Variants in MADD observed in about 807,000 individuals in gnomAD.
The protein encoded by MADD is MAP kinase activating death domain.
In MADD, 109 loss-of-function variants were observed where a neutral mutation model predicts 176.7. The ratio of observed to expected loss-of-function variants is 0.62; its 90% CI spans 0.53 to 0.72. MADD has a LOEUF of 0.72. Ranked by LOEUF, MADD falls within the 30% of genes least tolerant of loss-of-function variation. The pLI is 0.00. For missense variants in MADD, 1,914 were observed against 2,045.5 expected (o/e 0.94, Z 1.24); for synonymous variants, 771 against 771.3 (o/e 1.00, Z 0.01).
At chr11:47,275,961 T>A in exon 4 of MADD, 1 of 1,614,174 alleles carries the variant, frequency 6.2e-7, no homozygotes, top group Non-Finnish European at 8.5e-7. Context: ...AGTGCCCTTC[T>A]GCATGACCTT....
intron 19 of MADD, 136 bp from the exon 22 acceptor site, chr11:47,293,747 G>T: frequency 1.6e-6 from 1 of 621,214 alleles, no homozygotes; most frequent in East Asian, 2.8e-5. Context: ...TGGGTCCTGA[G>T]TGGGGGGTAG....
In MADD at chr11:47,275,436, T is replaced by C. The variant is rs376800263; in HGVS notation, c.659+277T>C. ...CCTCCCGAGTAGCTGGGATTACAGG[T>C]GCACGCCACCATGACCAGCTAATTT... On this transcript the variant is annotated intron_variant, in intron 3 of 32. Coordinates refer to ENST00000402192, the Ensembl canonical transcript of MADD. Among the ~76,000 whole-genome samples the C allele has an allele frequency of 1.8e-4, 28 of 152,276 alleles. 2 individuals carry two copies. Among genetic ancestry groups the C allele is most frequent in the African/African-American group, 6.3e-4 (26 of 41,562 alleles).
intron 3 of MADD, among the ~76,000 whole-genome samples, 155 bp from the exon 4 acceptor site, chr11:47,275,744 A>G (rs1405932373): frequency 1.3e-5 from 2 of 152,212 alleles, no homozygotes; most frequent in Non-Finnish European, 1.5e-5. Context: ...GCCATTGTAT[A>G]TACTTTCCGG....
exon 22 of MADD, chr11:47,295,943 G>A (rs2071231803): frequency 1.2e-6 from 2 of 1,614,006 alleles, no homozygotes; most frequent in East Asian, 2.2e-5. Flanking sequence ...AGTGACTTGA[G>A]CAGCAATGCA....
At chr11:47,329,254 G>C (rs1019090266) in exon 33 of MADD, 1 of 873,268 alleles carries the variant, frequency 1.1e-6, no homozygotes, top group Non-Finnish European at 1.9e-6. Flanking sequence ...TGATGCTCGT[G>C]TGTCCTCTGC....
At chr11:47,323,690 T>C in exon 28 of MADD, 4 of 1,613,634 alleles carry the variant, frequency 2.5e-6, no homozygotes, top group Non-Finnish European at 3.4e-6. Context: ...GACTGTGTGG[T>C]GTTGCGTAGT....
At chr11:47,302,312 C>G (rs2078439088) in intron 22 of MADD, among the ~76,000 whole-genome samples, 1 of 152,140 alleles carries the variant, frequency 6.6e-6, no homozygotes, top group African/African-American at 2.4e-5. Flanking sequence ...CTCCTGGGTT[C>G]AAGCGATTCT....
At chr11:47,279,718 A>G (rs1426481141) in intron 7 of MADD, among the ~76,000 whole-genome samples, 1 of 151,328 alleles carries the variant, frequency 6.6e-6, no homozygotes, top group Non-Finnish European at 1.5e-5. Context: ...AGTAGTGTGG[A>G]CCGTCTGGCT....
At chr11:47,319,390 C>T (rs1325460765) in intron 27 of MADD, among the ~76,000 whole-genome samples, 5 of 152,100 alleles carry the variant, frequency 3.3e-5, no homozygotes, top group African/African-American at 1.2e-4. Flanking sequence ...GCCTTGGCCT[C>T]CCAAAATGCT....
chr11:47,280,566 ATTTAT>A (rs1166548556), intron 7 of MADD, among the ~76,000 whole-genome samples: 1 of 151,890 alleles, frequency 6.6e-6, no homozygotes, highest in Non-Finnish European at 1.5e-5. Context: ...TAATTAATTA[ATTTAT>A]TTATTTATTT....
At position 47,284,368 on chromosome 11, in the gene MADD, T is replaced by A. The variant is rs1488082868; in HGVS notation, c.1967-7T>A. On this transcript the variant is annotated splice_polypyrimidine_tract_variant and splice_region_variant and intron_variant, in intron 11 of 32. Coordinates refer to ENST00000402192, the Ensembl canonical transcript of MADD. ...GGTCTGTACCTGCCTCCCTTGGATT[T>A]TGGCAGATGTGGACCCTCTGACACA... is the stretch of plus-strand genomic sequence containing the variant. 3.0e-5 allele frequency: 49 copies of A among 1,613,996 alleles called. No homozygotes were observed. Among genetic ancestry groups the A allele is most frequent in the Non-Finnish European group, 4.2e-5 (49 of 1,179,994 alleles).
intron 7 of MADD, among the ~76,000 whole-genome samples, chr11:47,280,489 TTGA>T (rs142922321): frequency 0.077 from 11,689 of 152,228 alleles, 520 homozygotes; most frequent in South Asian, 0.11. Context: ...GTTTTCAGTC[TTGA>T]TGATTGCTTT....
At chr11:47,284,030 G>A (rs2058962415) in intron 10 of MADD, 148 bp from the exon 11 acceptor site, 2 of 634,074 alleles carry the variant, frequency 3.2e-6, no homozygotes, top group Non-Finnish European at 5.6e-6. Flanking sequence ...TTATGCTTTG[G>A]TTGACTGTTT....
At chr11:47,300,454 C>CT (rs1205717055) in intron 22 of MADD, among the ~76,000 whole-genome samples, 1 of 127,714 alleles carries the variant, frequency 7.8e-6, no homozygotes, top group Non-Finnish European at 1.6e-5. Flanking sequence ...TGATCTACCC[C>CT]CCGCCCGCCC....
intron 11 of MADD, 43 bp downstream of exon 11, chr11:47,284,324 G>A (rs374475211): frequency 5.6e-6 from 9 of 1,612,972 alleles, no homozygotes; most frequent in Non-Finnish European, 7.6e-6. Context: ...GGCAGGGGTT[G>A]GGGGCCCAAG....
intron 5 of MADD, among the ~76,000 whole-genome samples, chr11:47,277,168 G>T (rs996719300): frequency 6.6e-6 from 1 of 152,226 alleles, no homozygotes; most frequent in African/African-American, 2.4e-5. Context: ...ACCAGTGGAT[G>T]CCTCAAACCA....
intron 7 of MADD, among the ~76,000 whole-genome samples, 172 bp from the exon 8 acceptor site, chr11:47,281,403 G>C (rs1465956789): frequency 6.6e-6 from 1 of 152,188 alleles, no homozygotes; most frequent in Non-Finnish European, 1.5e-5. Context: ...AAAGATGAAA[G>C]GTCTGAAATG....
At position 47,306,196 on chromosome 11, in the gene MADD, T is replaced by G. The variant is rs928518478; in HGVS notation, c.3643-2395T>G. On this transcript the variant is annotated intron_variant, in intron 22 of 32. Transcript: ENST00000402192. ...GCAGCCCAAGGGGAGTGGGGAGGGG[T>G]AGGTGGAGTGGCTCTGCCTCCACTT... Among the ~76,000 whole-genome samples, 28 of 152,028 alleles carry G rather than the reference T, an allele frequency of 1.8e-4. No individual in the cohort carries two copies. The Middle Eastern group carries it at 0.014, about 74-fold the overall frequency.
chr11:47,326,480 G>A (rs979228238), intron 30 of MADD, 64 bp from the exon 34 acceptor site: 29 of 1,279,044 alleles, frequency 2.3e-5, no homozygotes, highest in South Asian at 4.4e-5. Flanking sequence ...CAGGGCCTTC[G>A]GGTTGGGTTT....
Sources: gnomAD v4.1 joint callset for allele counts (sites outside exome capture counted in the v4.1 genomes callset) on GRCh38, gnomAD v4.1.1 for gene constraint, MANE v1.5 for transcripts, NCBI Gene and HGNC (gene_info 2026-07-23, HGNC 2026-07-21) for gene names.